Variants in ITK observed in about 807,000 individuals in gnomAD.
ITK encodes tyrosine-protein kinase ITK/TSK.
In ITK, 45 loss-of-function variants were observed where a neutral mutation model predicts 87.6. That is an observed-to-expected ratio of 0.51 (90% confidence interval 0.40 to 0.66). ITK has a LOEUF of 0.66. Ranked by LOEUF, ITK falls within the 30% of genes least tolerant of loss-of-function variation. The pLI is 0.00. For missense variants in ITK, 605 were observed against 766.3 expected, an observed-to-expected ratio of 0.79 and a Z score of 2.48; for synonymous variants, 303 against 273.6, an observed-to-expected ratio of 1.11 and a Z score of -1.06.
chr5:157,234,510 G>T (rs1365572894), intron 8 of ITK, among the ~76,000 whole-genome samples: 2 of 152,110 alleles, frequency 1.3e-5, no homozygotes, highest in Non-Finnish European at 2.9e-5. Flanking sequence ...GGACCTTTAA[G>T]AGATGAATTC....
chr5:157,189,187 C>T (rs1753702960), intron 1 of ITK, among the ~76,000 whole-genome samples: 1 of 152,068 alleles, frequency 6.6e-6, no homozygotes, highest in Admixed American at 6.5e-5. Flanking sequence ...TGATCTTTGC[C>T]TGTGTAATGT....
intron 5 of ITK, among the ~76,000 whole-genome samples, chr5:157,220,075 C>T (rs1754383425): frequency 6.6e-6 from 1 of 152,198 alleles, no homozygotes; most frequent in African/African-American, 2.4e-5. Flanking sequence ...TGTTCTGCTG[C>T]CTGAGTGGTA....
At chr5:157,219,743 G>A (rs1035161389) in intron 5 of ITK, among the ~76,000 whole-genome samples, 32 of 152,106 alleles carry the variant, frequency 2.1e-4, no homozygotes, top group African/African-American at 7.0e-4. Flanking sequence ...GGCCTGGTTC[G>A]GAACCCTACT....
chr5:157,241,746 A>G, intron 11 of ITK, 26 bp downstream of exon 11: 1 of 1,578,736 alleles, frequency 6.3e-7, no homozygotes, highest in Non-Finnish European at 8.7e-7. Flanking sequence ...AGGAATGTAA[A>G]CTCATGTCCC....
intron 3 of ITK, chr5:157,213,820 T>A: frequency 2.8e-6 from 1 of 354,738 alleles, no homozygotes; most frequent in East Asian, 7.1e-5. Flanking sequence ...AGGTGGGGGG[T>A]GGTAATTCCA....
chr5:157,181,943 T>TCTAC (rs1192044545), intron 1 of ITK, among the ~76,000 whole-genome samples: 2 of 152,246 alleles, frequency 1.3e-5, no homozygotes, highest in African/African-American at 4.8e-5. Flanking sequence ...GAGACCAAAC[T>TCTAC]CTACTTCTCA....
At position 157,210,724 on chromosome 5, in the gene ITK, G is replaced by A. The variant is rs150576780; in HGVS notation, c.244-563G>A. ...CCCACCCCACCACAGTCCCCAGAGT[G>A]TGATATTCCCCTTCCTGTGTCCATG... On this transcript the variant is annotated intron_variant, in intron 2 of 16. Coordinates refer to ENST00000422843, the MANE Select transcript of ITK (RefSeq NM_005546.4). 7.0e-3 allele frequency among the ~76,000 whole-genome samples: 816 copies of A among 117,082 alleles called. 7 individuals carry two copies. The highest frequency in any genetic ancestry group is 0.027 in the African/African-American group (767 of 28,884). The allele number at this position is 117,082 out of a possible 152,430, so 76.8% of individuals were successfully genotyped here. A position where few individuals can be genotyped will look rare whatever the true frequency, so the allele number is the denominator to read the frequency against.
rs763313981 is a variant in ITK, at chr5:157,223,009, G to A, written c.642G>A (p.Arg214=). The change falls in exon 6 of 17, where the codon AGG becomes AGA. Residue 214 remains arginine (R), a synonymous_variant. Transcript: ENST00000422843. Reference sequence around the variant, plus strand: ...TTCACTGGTGGAGAGTCCAGGACAGGAATGGGTAAGTCATCTTTGTGGCTG... The same window carrying A: ...TTCACTGGTGGAGAGTCCAGGACAGAAATGGGTAAGTCATCTTTGTGGCTG... ...SEIHWWRVQD[R]NGHEGYVPSS... The A allele has an allele frequency of 2.5e-6, 4 of 1,614,112 alleles. No individual in the cohort carries two copies. Among genetic ancestry groups the A allele is most frequent in the East Asian group, 2.2e-5 (1 of 44,876 alleles).
At chr5:157,183,670 T>C (rs1358753586) in intron 1 of ITK, among the ~76,000 whole-genome samples, 1 of 152,228 alleles carries the variant, frequency 6.6e-6, no homozygotes, top group Non-Finnish European at 1.5e-5. Context: ...GGATTCCTTC[T>C]ATTCTGTGGC....
At chr5:157,232,419 G>C in intron 8 of ITK, 25 bp downstream of exon 8, 1 of 1,545,396 alleles carries the variant, frequency 6.5e-7, no homozygotes. Context: ...CCTGTCTTTT[G>C]ACATAAAATA....
intron 11 of ITK, 116 bp downstream of exon 11, chr5:157,241,836 T>G: frequency 1.4e-6 from 1 of 732,008 alleles, no homozygotes; most frequent in Non-Finnish European, 2.4e-6. Context: ...TTAAAACAAG[T>G]GTATTATATA....
intron 10 of ITK, 120 bp downstream of exon 10, chr5:157,240,315 G>A: frequency 1.1e-6 from 1 of 942,386 alleles, no homozygotes; most frequent in South Asian, 1.3e-5. Context: ...TCTCATAAGA[G>A]TGCAAGCCCT....
intron 1 of ITK, among the ~76,000 whole-genome samples, chr5:157,185,683 A>ACAC (rs59585425): frequency 9.4e-6 from 1 of 105,948 alleles, no homozygotes; most frequent in African/African-American, 3.1e-5. Flanking sequence ...CCGTCTCCAC[A>ACAC]AAAAAAAAAA....
intron 11 of ITK, 84 bp from the exon 12 acceptor site, chr5:157,243,539 G>A: frequency 8.8e-7 from 1 of 1,133,606 alleles, no homozygotes; most frequent in South Asian, 1.2e-5. Context: ...TAAAATTCTA[G>A]TTAGGGCTTT....
chr5:157,244,344 G>C lies in ITK; in HGVS notation c.1315G>C (p.Glu439Gln). 6.2e-7 allele frequency: 1 copy of C among 1,614,108 alleles called. No individual in the cohort carries two copies. Among genetic ancestry groups the C allele is most frequent in the Non-Finnish European group, 8.5e-7 (1 of 1,180,008 alleles). ...CATCTGCCTGGTGTTTGAGTTCATG[G>C]AGCACGGCTGCCTGTCAGATTATCT... The part of the protein sequence containing the change: ...APICLVFEFM[E>Q]HGCLSDYLRT... Residue 439 changes from glutamate (E) to glutamine (Q), a missense_variant, in exon 13 of 17, where the codon GAG becomes CAG. Coordinates refer to ENST00000422843, the MANE Select transcript of ITK (RefSeq NM_005546.4).
intron 15 of ITK, among the ~76,000 whole-genome samples, chr5:157,247,935 T>C (rs1220921027): frequency 6.6e-6 from 1 of 152,158 alleles, no homozygotes; most frequent in Non-Finnish European, 1.5e-5. Flanking sequence ...TTCAAAAAAA[T>C]TTTCACTAAA....
intron 6 of ITK, 113 bp downstream of exon 6, chr5:157,223,127 G>A: frequency 1.6e-6 from 2 of 1,290,112 alleles, no homozygotes; most frequent in Non-Finnish European, 2.2e-6. Context: ...TGAGGTGGGA[G>A]AAGAGAGCAG....
intron 1 of ITK, among the ~76,000 whole-genome samples, chr5:157,190,803 C>T (rs163313): frequency 0.18 from 26,785 of 152,098 alleles, 2,950 homozygotes; most frequent in African/African-American, 0.31. Context: ...GCTTGGCTTG[C>T]GTGAGGAACA....
intron 2 of ITK, among the ~76,000 whole-genome samples, chr5:157,211,048 T>TA (rs1754181113): frequency 6.6e-6 from 1 of 152,082 alleles, no homozygotes; most frequent in African/African-American, 2.4e-5. Flanking sequence ...CCTGCTGTCT[T>TA]AGTTTAGTGA....
Sources: allele counts gnomAD v4.1 joint callset (sites outside exome capture counted in the v4.1 genomes callset), GRCh38; gene constraint gnomAD v4.1.1; transcripts MANE v1.5; gene names NCBI Gene and HGNC (gene_info 2026-07-23, HGNC 2026-07-21).